KTN1: variants seen among roughly 807,000 people sequenced by gnomAD.
KTN1 encodes the protein kinectin 1, also known as kinectin.
KTN1 carries 130 observed loss-of-function variants against 222.5 expected under a neutral mutation model. The observed-to-expected ratio is 0.58, with a 90% CI of 0.51 to 0.68. The LOEUF is 0.68. Ranked by LOEUF, KTN1 falls within the 30% of genes least tolerant of loss-of-function variation. KTN1 has a pLI of 0.00. For missense variants in KTN1, 1,508 were observed against 1,500.4 expected (o/e 1.01, Z -0.08); for synonymous variants, 512 against 496.3 (o/e 1.03, Z -0.42).
At chr14:55,601,754 C>T (rs2036003410) in intron 1 of KTN1, 2 of 151,120 alleles carry the variant, frequency 1.3e-5, no homozygotes, top group Non-Finnish European at 2.9e-5. Context: ...TTCTTTTTTT[C>T]AGGTAGATTT....
intron 1 of KTN1, among the ~76,000 whole-genome samples, chr14:55,591,645 A>G (rs1017061367): frequency 2.9e-5 from 4 of 138,938 alleles, no homozygotes; most frequent in African/African-American, 2.7e-5. Flanking sequence ...CTGGAGTGCA[A>G]TGATGCGATC....
At chr14:55,648,957 G>C in intron 21 of KTN1, 87 bp downstream of exon 21, 3 of 926,338 alleles carry the variant, frequency 3.2e-6, no homozygotes. Context: ...ACGGGGTCTT[G>C]CTCTTTTGCC....
At chr14:55,662,792 C>T in intron 32 of KTN1, 1 of 407,544 alleles carries the variant, frequency 2.5e-6, no homozygotes, top group Non-Finnish European at 5.1e-6. Flanking sequence ...ATTGCCACTT[C>T]TGTGTTGGTA....
chr14:55,634,572 GTGAATGAGC>G lies in KTN1; in HGVS notation c.1379_1387del (p.Asn460_Leu462del). 6.2e-7 allele frequency: 1 copy of G among 1,613,910 alleles called. No homozygotes were observed. The highest frequency in any genetic ancestry group is 1.3e-5 in the African/African-American group (1 of 75,044). On this transcript the variant is annotated inframe_deletion, in exon 9 of 44. Transcript: ENST00000395314. ...ACTACGCCAGGATTATGCTAGGTTGGTGAATGAGCTGACTGAGAAAACAGGAAAGCTACA... is the reference window on the plus strand; with the variant it reads ...ACTACGCCAGGATTATGCTAGGTTGGTGACTGAGAAAACAGGAAAGCTACA...
intron 1 of KTN1, among the ~76,000 whole-genome samples, chr14:55,611,746 T>G (rs957841908): frequency 1.3e-5 from 2 of 152,188 alleles, no homozygotes; most frequent in Non-Finnish European, 2.9e-5. Flanking sequence ...AATATTTAAA[T>G]TTTTTCTCTT....
At chr14:55,651,694 C>T (rs1349022568) in intron 24 of KTN1, 196 bp from the exon 25 acceptor site, 1 of 534,950 alleles carries the variant, frequency 1.9e-6, no homozygotes, top group Non-Finnish European at 3.3e-6. Context: ...TGTCCCTCCC[C>T]CTTATTATTT....
At chr14:55,624,780 A>T (rs1342547845) in intron 5 of KTN1, among the ~76,000 whole-genome samples, 2 of 152,142 alleles carry the variant, frequency 1.3e-5, no homozygotes, top group Non-Finnish European at 2.9e-5. Flanking sequence ...AATCACAGAA[A>T]CTTTGAGTTT....
rs576406234 is a variant in KTN1 at position 55,612,298 on chromosome 14, T to G, written c.250T>G (p.Phe84Val). The change falls in exon 2 of 44, where the codon TTT becomes GTT. Residue 84 changes from phenylalanine to valine, a missense_variant. Transcript: ENST00000395314. ...ESDSESVPRD[F>V]KLSDALAVED... is the part of the protein sequence containing the mutation. ...CGACTCTGAGAGTGTACCTCGAGAC[T>G]TTAAATTATCAGATGCTTTGGCAGT... is the stretch of plus-strand genomic sequence containing the variant. The G allele has an allele frequency of 9.9e-6, 16 of 1,613,326 alleles. No individual in the cohort carries two copies. The highest frequency in any genetic ancestry group is 1.2e-5 in the Non-Finnish European group (14 of 1,179,912).
intron 13 of KTN1, 95 bp from the exon 14 acceptor site, chr14:55,639,818 A>G (rs544554644): frequency 6.3e-4 from 485 of 769,816 alleles, no homozygotes; most frequent in Non-Finnish European, 9.3e-4. Context: ...TATGAGAACT[A>G]CTGAAGTAAG....
chr14:55,637,169 C>T, intron 10 of KTN1, 29 bp from the exon 11 acceptor site: 1 of 1,524,570 alleles, frequency 6.6e-7, no homozygotes, highest in Non-Finnish European at 8.9e-7. Context: ...AAGAAAGAGA[C>T]CTCTGTAAAA....
chr14:55,684,110 T>C lies in KTN1; in HGVS notation c.*7T>C. ...CTGATCTTTTACAGAGTGAAGTAAT[T>C]GGGAAACTGTTCATTTGAGGATAAA... On this transcript the variant is annotated 3_prime_UTR_variant, in exon 44 of 44. Coordinates refer to ENST00000395314, the MANE Select transcript of KTN1 (RefSeq NM_001079521.2). 2 of 1,601,956 alleles carry C rather than the reference T, an allele frequency of 1.2e-6. No individual in the cohort carries two copies. Among genetic ancestry groups the C allele is most frequent in the South Asian group, 1.1e-5 (1 of 89,430 alleles).
intron 29 of KTN1, among the ~76,000 whole-genome samples, chr14:55,657,840 G>C (rs887265009): frequency 2.0e-5 from 3 of 151,978 alleles, no homozygotes; most frequent in African/African-American, 7.3e-5. Flanking sequence ...CTTGAACCCG[G>C]GAGGCAGAGG....
At chr14:55,593,219 A>G (rs926441362) in intron 1 of KTN1, among the ~76,000 whole-genome samples, 27 of 152,176 alleles carry the variant, frequency 1.8e-4, no homozygotes, top group African/African-American at 6.5e-4. Flanking sequence ...AACATGTTCA[A>G]ATTTAAAAAT....
intron 43 of KTN1, chr14:55,680,720 C>G (rs2046295390): frequency 7.3e-7 from 1 of 1,366,038 alleles, no homozygotes; most frequent in South Asian, 1.1e-5. Flanking sequence ...GACACATGCT[C>G]TCCTTCAAAA....
At chr14:55,681,042 G>A (rs1320894776) in intron 43 of KTN1, 6 of 200,586 alleles carry the variant, frequency 3.0e-5, no homozygotes, top group Non-Finnish European at 5.2e-5. Flanking sequence ...CTTCCTTCAG[G>A]TTACCACCCT....
At chr14:55,673,953 G>C (rs2045673246) in intron 40 of KTN1, 1 of 151,714 alleles carries the variant, frequency 6.6e-6, no homozygotes, top group South Asian at 2.1e-4. Context: ...AACAGCAATT[G>C]TTATGTCTTC....
chr14:55,636,605 TG>T lies in KTN1; in HGVS notation c.1549+70del, dbSNP rs1444837521. ...GGTAAAATTTCCTCTCTCTTCCATC[TG>T]TGAAGAAAGTATAATTTGGCATTTT... On this transcript the variant is annotated intron_variant, in intron 10 of 43. Transcript: ENST00000395314. 6 of 1,132,106 alleles carry T rather than the reference TG, an allele frequency of 5.3e-6. No homozygotes were observed. The African/African-American group carries it at 9.3e-5, about 18-fold the overall frequency. The allele number at this position is 1,132,106 out of a possible 1,614,324, so 70.1% of individuals were successfully genotyped here.
In KTN1 at chr14:55,670,154, A is replaced by AT. The variant is rs1436391079; in HGVS notation, c.3268-574dup. Among the ~76,000 whole-genome samples the AT allele has an allele frequency of 2.0e-5, 3 of 152,062 alleles. No homozygotes were observed. The East Asian group carries it at 5.8e-4, about 29-fold the overall frequency. ...GATTTAAACAAGTGAATGTGTATGC[A>AT]TATCACTTCTCATTAGGATTTTTAA... is the stretch of plus-strand genomic sequence containing the variant. On this transcript the variant is annotated intron_variant, in intron 34 of 43. Coordinates refer to ENST00000395314, the MANE Select transcript of KTN1 (RefSeq NM_001079521.2).
chr14:55,655,436 C>T (rs2043370023), intron 28 of KTN1, among the ~76,000 whole-genome samples: 1 of 152,182 alleles, frequency 6.6e-6, no homozygotes, highest in African/African-American at 2.4e-5. Flanking sequence ...AAGTGTTCAG[C>T]TCAACGAATA....
Sources: gnomAD v4.1 joint callset for allele counts (sites outside exome capture counted in the v4.1 genomes callset) on GRCh38, gnomAD v4.1.1 for gene constraint, MANE v1.5 for transcripts, NCBI Gene and HGNC (gene_info 2026-07-23, HGNC 2026-07-21) for gene names.